The following COL4A5 variants were observed in gnomAD, a reference collection of about 807,000 sequenced individuals.
COL4A5 encodes the protein collagen type IV alpha 5 chain.
A neutral mutation model predicts 130.2 loss-of-function variants in COL4A5; 26 were observed. The ratio of observed to expected loss-of-function variants is 0.20; its 90% CI spans 0.15 to 0.28. The LOEUF is 0.28. Among genes scored for constraint, COL4A5 ranks in the 10% least tolerant of loss-of-function variants. COL4A5 has a pLI of 1.00. For synonymous variants in COL4A5, 496 were observed against 439.6 expected (o/e 1.13, Z -1.60); for missense variants, 1,131 against 1,344.3 (o/e 0.84, Z 2.48).
At chrX:108,443,845 C>T in intron 1 of COL4A5, among the ~76,000 whole-genome samples, 1 of 111,273 alleles carries the variant, frequency 9.0e-6, no homozygotes, top group East Asian at 2.8e-4. Context: ...ATATATTTGC[C>T]CACTAATTTT....
chrX:108,654,192 A>G (rs2067789973), intron 36 of COL4A5, among the ~76,000 whole-genome samples: 1 of 112,697 alleles, frequency 8.9e-6, no homozygotes, highest in African/African-American at 3.2e-5. Context: ...GTTATTGGGA[A>G]AAACTTGTTT....
chrX:108,568,851 T>C (rs1283600937), intron 6 of COL4A5, 30 bp downstream of exon 6: 2 of 1,129,660 alleles, frequency 1.8e-6, no homozygotes, highest in Admixed American at 4.4e-5. Flanking sequence ...TCTTGGGTAG[T>C]ATACTTGACA....
chrX:108,583,314 G>A (rs911606716), intron 17 of COL4A5, among the ~76,000 whole-genome samples: 3 of 111,740 alleles, frequency 2.7e-5, no homozygotes, highest in East Asian at 2.8e-4. Flanking sequence ...GTAGAACGTC[G>A]CCACTAAACA....
chrX:108,483,102 C>T (rs1429228863), intron 1 of COL4A5, among the ~76,000 whole-genome samples: 2 of 111,090 alleles, frequency 1.8e-5, no homozygotes, highest in Non-Finnish European at 3.8e-5. Flanking sequence ...CAGAAACCTC[C>T]AAAAGAACTC....
chrX:108,679,227 A>T (rs769228979), intron 44 of COL4A5, among the ~76,000 whole-genome samples: 1 of 112,239 alleles, frequency 8.9e-6, no homozygotes, highest in East Asian at 2.8e-4. Context: ...GCACATTAAG[A>T]TAGTGCAAAT....
At chrX:108,507,478 G>A (rs1405087056) in intron 1 of COL4A5, among the ~76,000 whole-genome samples, 1 of 111,566 alleles carries the variant, frequency 9.0e-6, no homozygotes, top group Non-Finnish European at 1.9e-5. Flanking sequence ...TCCACATGAT[G>A]ATCTCAATAG....
At chrX:108,572,018 T>A (rs1190346041) in intron 8 of COL4A5, among the ~76,000 whole-genome samples, 181 bp downstream of exon 8, 2 of 111,932 alleles carry the variant, frequency 1.8e-5, no homozygotes, top group Non-Finnish European at 3.8e-5. Flanking sequence ...AAGTACCTTG[T>A]ATGTGCTGAT....
rs192044340 is a variant in COL4A5 at position 108,651,860 on chromosome X, A to G, written c.3247-3471A>G. Among the ~76,000 whole-genome samples, 640 of 112,046 alleles carry G rather than the reference A, an allele frequency of 5.7e-3. 3 individuals carry two copies. Among genetic ancestry groups the G allele is most frequent in the African/African-American group, 0.019 (597 of 30,903 alleles). On this transcript the variant is annotated intron_variant, in intron 36 of 52. Transcript: ENST00000328300. The stretch of plus-strand genomic sequence containing the variant: ...TTTATCAGTTTGTTACTGTTAGCTT[A>G]ACATTTCACTACTGGGAAGAGCTAA...
intron 33 of COL4A5, among the ~76,000 whole-genome samples, chrX:108,623,881 G>A (rs760630353): frequency 9.0e-6 from 1 of 111,616 alleles, no homozygotes; most frequent in South Asian, 3.8e-4. Flanking sequence ...GTATAATAGG[G>A]GCAGTAAACT....
Position 108,622,683 on chromosome X carries a change from T to C in COL4A5, c.2775T>C (p.Asp925=). The stretch of plus-strand genomic sequence containing the variant: ...CACACACATTGATTTTAGGTGATGA[T>C]GGCTTGCAGGGTCAGCCAGGACTTC... ...RSGVPGLKGD[D]GLQGQPGLPG... The change falls in exon 33 of 53, where the codon GAT becomes GAC. Residue 925 remains aspartate (D), a synonymous_variant. Transcript: ENST00000328300. 8.3e-7 allele frequency: 1 copy of C among 1,211,458 alleles called. No homozygotes were observed. Among genetic ancestry groups the C allele is most frequent in the Non-Finnish European group, 1.1e-6 (1 of 895,229 alleles).
At chrX:108,580,125 C>G (rs2066217016) in intron 13 of COL4A5, among the ~76,000 whole-genome samples, 1 of 110,920 alleles carries the variant, frequency 9.0e-6, no homozygotes, top group African/African-American at 3.3e-5. Flanking sequence ...ATTTTAGATA[C>G]AGGGGGTACA....
intron 1 of COL4A5, among the ~76,000 whole-genome samples, chrX:108,449,839 C>T (rs368156700): frequency 8.9e-6 from 1 of 111,906 alleles, no homozygotes; most frequent in East Asian, 2.8e-4. Context: ...CCCAAAGGCC[C>T]CACCTCCTAA....
intron 2 of COL4A5, among the ~76,000 whole-genome samples, chrX:108,549,167 A>G (rs2065712670): frequency 8.9e-6 from 1 of 112,018 alleles, no homozygotes; most frequent in African/African-American, 3.2e-5. Flanking sequence ...GCCAAAACTG[A>G]GAGAATTAAA....
At position 108,686,064 on chromosome X, in the gene COL4A5, A is replaced by G; in HGVS notation, c.4250A>G (p.Asn1417Ser). 6 of 1,211,182 alleles carry G rather than the reference A, an allele frequency of 5.0e-6. No homozygotes were observed. The highest frequency in any genetic ancestry group is 6.7e-6 in the Non-Finnish European group (6 of 895,260). Residue 1417 changes from asparagine (N) to serine (S), a missense_variant, in exon 48 of 53, where the codon AAT becomes AGT. Physicochemically the swap from Asn to Ser is conservative, Grantham distance 46 (BLOSUM62 1). Coordinates refer to ENST00000328300, the MANE Select transcript of COL4A5 (RefSeq NM_033380.3). ...GGCCCTCCAGGAGATCCTGGACGCA[A>G]TGGACTCCCTGGCTTTGATGGTGCA... ...PTGPPGDPGR[N>S]GLPGFDGAGG...
At chrX:108,660,695 T>C (rs1175913312) in intron 37 of COL4A5, among the ~76,000 whole-genome samples, 1 of 111,938 alleles carries the variant, frequency 8.9e-6, no homozygotes, top group African/African-American at 3.2e-5. Flanking sequence ...ATAGTTTCTT[T>C]TTGTTGTGGT....
At position 108,597,596 on chromosome X, in the gene COL4A5, G is replaced by A. The variant is rs773802694; in HGVS notation, c.1779+28G>A. On this transcript the variant is annotated intron_variant, in intron 24 of 52. Transcript: ENST00000328300. ...GAGTTGGTTTGATATTTTTGGTTTT[G>A]TGATGTTAAATTTTCACTTAGAAAT... 8 of 1,170,504 alleles carry A rather than the reference G, an allele frequency of 6.8e-6. No individual in the cohort carries two copies. The Admixed American group carries it at 1.8e-4, about 26-fold the overall frequency.
At chrX:108,559,194 A>C (rs2147722642) in intron 3 of COL4A5, 41 bp downstream of exon 3, 1 of 1,040,018 alleles carries the variant, frequency 9.6e-7, no homozygotes, top group South Asian at 1.9e-5. Flanking sequence ...AGATGAATTA[A>C]GTCATCTTAA....
chrX:108,665,680 T>C, intron 38 of COL4A5, 93 bp downstream of exon 38: 1 of 606,251 alleles, frequency 1.6e-6, no homozygotes, highest in South Asian at 2.5e-5. Flanking sequence ...CTGTGAACAT[T>C]TTCAACACAA....
In COL4A5 at chrX:108,495,944, G is replaced by A. The variant is rs1206324442; in HGVS notation, c.82-43802G>A. Among the ~76,000 whole-genome samples the A allele has an allele frequency of 2.7e-5, 3 of 112,347 alleles. No homozygotes were observed. In the East Asian group the frequency reaches 8.5e-4, roughly 32 times the overall value. ...AACACTGGTAGCAACACCAGATGAG[G>A]CAACATTGCCTGGAGTGATCAGCCA... is the stretch of plus-strand genomic sequence containing the variant. On this transcript the variant is annotated intron_variant, in intron 1 of 52. Transcript: ENST00000328300.
Sources: gnomAD v4.1 joint callset for allele counts (sites outside exome capture counted in the v4.1 genomes callset) on GRCh38, gnomAD v4.1.1 for gene constraint, MANE v1.5 for transcripts, NCBI Gene and HGNC (gene_info 2026-07-23, HGNC 2026-07-21) for gene names.